The following TNFSF4 variants were observed in gnomAD, a reference collection of about 807,000 sequenced individuals.
TNFSF4 encodes the protein TNF superfamily member 4.
In TNFSF4, 4 loss-of-function variants were observed where a neutral mutation model predicts 7.3. That is an observed-to-expected ratio of 0.55 (90% CI 0.27 to 1.25). The LOEUF (loss-of-function observed/expected upper bound fraction) is 1.25, where lower values mean the gene tolerates loss of function less well. TNFSF4 is among the 50% of genes most tolerant of loss of function. TNFSF4 has a pLI of 0.12. For missense variants in TNFSF4, 181 were observed against 208.8 expected, an observed-to-expected ratio of 0.87 and a Z score of 0.82; for synonymous variants, 76 against 83.7, an observed-to-expected ratio of 0.91 and a Z score of 0.50.
At chr1:173,390,369 T>A in the TNFSF4 span, among the ~76,000 whole-genome samples, 1 of 152,182 alleles carries the variant, frequency 6.6e-6, no homozygotes, top group Admixed American at 6.5e-5. Flanking sequence ...CCCCAAGCAT[T>A]TGAGACCTAC....
chr1:173,266,155 T>A, the TNFSF4 span, among the ~76,000 whole-genome samples: 18 of 152,096 alleles, frequency 1.2e-4, no homozygotes, highest in Non-Finnish European at 2.6e-4. Flanking sequence ...CCTAGGGTAG[T>A]GGGAAATACT....
chr1:173,277,392 T>G, the TNFSF4 span, among the ~76,000 whole-genome samples: 1 of 152,144 alleles, frequency 6.6e-6, no homozygotes, highest in Non-Finnish European at 1.5e-5. Flanking sequence ...CTGTGACCTG[T>G]GTAGCCTTTC....
chr1:173,400,374 G>C, the TNFSF4 span, among the ~76,000 whole-genome samples: 2 of 152,158 alleles, frequency 1.3e-5, no homozygotes, highest in African/African-American at 4.8e-5. Flanking sequence ...AGGATTCTCA[G>C]GTCCAGGAAT....
chr1:173,178,381 C>T, the TNFSF4 span, among the ~76,000 whole-genome samples: 5,564 of 152,146 alleles, frequency 0.037, 131 homozygotes, highest in Middle Eastern at 0.099. Flanking sequence ...CCAGGCTGTC[C>T]TGGCTAAACG....
the TNFSF4 span, among the ~76,000 whole-genome samples, chr1:173,229,998 C>T: frequency 6.6e-6 from 1 of 151,844 alleles, no homozygotes; most frequent in Non-Finnish European, 1.5e-5. Flanking sequence ...ACGTTAACAC[C>T]CCACTGTCAA....
chr1:173,382,876 AC>A, the TNFSF4 span, among the ~76,000 whole-genome samples: 1 of 47,844 alleles, frequency 2.1e-5, no homozygotes, highest in Non-Finnish European at 5.0e-5. Flanking sequence ...TACTGTTTTC[AC>A]ACACACACAC....
chr1:173,259,866 T>C, the TNFSF4 span, among the ~76,000 whole-genome samples: 1 of 152,026 alleles, frequency 6.6e-6, no homozygotes, highest in African/African-American at 2.4e-5. Flanking sequence ...AACCTACAAC[T>C]GGGGCACCTG....
At chr1:173,391,452 A>ACC in the TNFSF4 span, among the ~76,000 whole-genome samples, 5 of 136,168 alleles carry the variant, frequency 3.7e-5, no homozygotes, top group Non-Finnish European at 8.1e-5. Context: ...AAAAAAAAAA[A>ACC]AAAAAAAAAA....
At chr1:173,347,598 T>C in the TNFSF4 span, among the ~76,000 whole-genome samples, 1 of 152,238 alleles carries the variant, frequency 6.6e-6, no homozygotes, top group African/African-American at 2.4e-5. Flanking sequence ...TTCTATTCTA[T>C]TGGAAGAAGG....
the TNFSF4 span, among the ~76,000 whole-genome samples, chr1:173,428,459 G>A: frequency 6.6e-6 from 1 of 152,174 alleles, no homozygotes; most frequent in African/African-American, 2.4e-5. Context: ...GGACATGGAA[G>A]GGGAATCTAT....
the TNFSF4 span, among the ~76,000 whole-genome samples, chr1:173,381,640 T>C: frequency 3.3e-5 from 5 of 152,288 alleles, no homozygotes; most frequent in Non-Finnish European, 2.9e-5. Context: ...AGTTCCCCTC[T>C]GGAGGACACT....
the TNFSF4 span, among the ~76,000 whole-genome samples, chr1:173,240,188 T>C: frequency 1.3e-5 from 2 of 152,098 alleles, no homozygotes; most frequent in African/African-American, 4.8e-5. Context: ...TTCTTAAGAA[T>C]AAGTACACAG....
the TNFSF4 span, among the ~76,000 whole-genome samples, chr1:173,348,109 T>G: frequency 6.6e-6 from 1 of 152,192 alleles, no homozygotes; most frequent in African/African-American, 2.4e-5. Flanking sequence ...AGAAGATCAA[T>G]AATCTAAGTA....
the TNFSF4 span, among the ~76,000 whole-genome samples, chr1:173,261,452 G>T: frequency 3.2e-4 from 48 of 152,124 alleles, no homozygotes; most frequent in Middle Eastern, 6.8e-3. Context: ...CCCAAAGCTA[G>T]CAGAAGAAAA....
chr1:173,308,285 C>CTCTCTCTCTCTGTG, the TNFSF4 span, among the ~76,000 whole-genome samples: 35 of 135,120 alleles, frequency 2.6e-4, no homozygotes, highest in African/African-American at 1.0e-3. Context: ...CTCTCTCTCT[C>CTCTCTCTCTCTGTG]TGTGTGTGTG....
chr1:173,430,027 AGTGT>A, the TNFSF4 span, among the ~76,000 whole-genome samples: 1 of 152,170 alleles, frequency 6.6e-6, no homozygotes, highest in Non-Finnish European at 1.5e-5. Context: ...CTCAAGACAG[AGTGT>A]GTAGGGCCTC....
chr1:173,371,574 G>A, the TNFSF4 span, among the ~76,000 whole-genome samples: 3 of 152,048 alleles, frequency 2.0e-5, no homozygotes, highest in Non-Finnish European at 2.9e-5. Context: ...AGGGTTACAG[G>A]ATATTGTCAG....
the TNFSF4 span, among the ~76,000 whole-genome samples, chr1:173,260,622 A>G: frequency 6.6e-6 from 1 of 152,182 alleles, no homozygotes; most frequent in Admixed American, 6.5e-5. Context: ...ACACACATAG[A>G]ATCAAAATAA....
chr1:173,193,843 T>A (rs1649587832), intron 1 of TNFSF4, among the ~76,000 whole-genome samples: 1 of 150,580 alleles, frequency 6.6e-6, no homozygotes, highest in Non-Finnish European at 1.5e-5. Flanking sequence ...GACTGAATAA[T>A]GTAATGTACA....
Sources: gnomAD v4.1 joint callset for allele counts (sites outside exome capture counted in the v4.1 genomes callset) on GRCh38, gnomAD v4.1.1 for gene constraint, MANE v1.5 for transcripts, NCBI Gene and HGNC (gene_info 2026-07-23, HGNC 2026-07-21) for gene names.